Variants in ADGRG6 observed in about 807,000 individuals in gnomAD.
The protein encoded by ADGRG6 is G-protein coupled receptor 126.
In ADGRG6, 84 loss-of-function variants were observed where a neutral mutation model predicts 142.4. That is an observed-to-expected ratio of 0.59 (90% confidence interval 0.49 to 0.71). ADGRG6 has a LOEUF of 0.71. Among genes scored for constraint, ADGRG6 ranks in the 30% least tolerant of loss-of-function variants. The probability of loss-of-function intolerance (pLI) is 0.00; values close to 1 mark genes in which losing one functional copy is unlikely to be tolerated. For missense variants in ADGRG6, 1,367 were observed against 1,466.6 expected, an observed-to-expected ratio of 0.93 and a Z score of 1.11; for synonymous variants, 521 against 520.5, an observed-to-expected ratio of 1.00 and a Z score of -0.01.
At chr6:142,318,216 A>G (rs865811316) in intron 2 of ADGRG6, among the ~76,000 whole-genome samples, 10 of 57,528 alleles carry the variant, frequency 1.7e-4, no homozygotes, top group Non-Finnish European at 2.6e-4. Context: ...ATATTTATAT[A>G]TTATATATAT....
chr6:142,394,842 C>G (rs181231012), intron 9 of ADGRG6, among the ~76,000 whole-genome samples: 18 of 128,002 alleles, frequency 1.4e-4, no homozygotes, highest in East Asian at 1.0e-3. Flanking sequence ...CTGTCTCAGC[C>G]CCCCCCAGAG....
In ADGRG6 at chr6:142,444,160, A is replaced by G. The variant is rs565373218; in HGVS notation, c.*645A>G. Reference sequence around the variant, plus strand: ...TGTTGACCTAGTTAAATGAGGCTATATAAATTTCTAATATTTTACTTATTC... The same window carrying G: ...TGTTGACCTAGTTAAATGAGGCTATGTAAATTTCTAATATTTTACTTATTC... On this transcript the variant is annotated 3_prime_UTR_variant, in exon 25 of 25. Transcript: ENST00000367609. 6.6e-6 allele frequency: 1 copy of G among 152,368 alleles called. No homozygotes were observed. Among genetic ancestry groups the G allele is most frequent in the Admixed American group, 6.5e-5 (1 of 15,294 alleles). 9.4% of individuals were successfully genotyped at this position (152,368 alleles called of 1,614,324 possible).
Position 142,370,662 on chromosome 6 carries a change from G to C in ADGRG6, c.938G>C (p.Trp313Ser), listed in dbSNP as rs1324870034. The C allele has an allele frequency of 1.2e-6, 2 of 1,613,778 alleles. No individual in the cohort carries two copies. The highest frequency in any genetic ancestry group is 1.7e-6 in the Non-Finnish European group (2 of 1,179,802). ...LKGDIYNFRL[W>S]NFTMNAKILS... Reference sequence around the variant, plus strand: ...GGGGACATTTATAACTTTCGACTTTGGAATTTTACCATGAATGCCAAAATC... The same window carrying C: ...GGGGACATTTATAACTTTCGACTTTCGAATTTTACCATGAATGCCAAAATC... Residue 313 changes from tryptophan to serine, a missense_variant, in exon 4 of 25, where the codon TGG becomes TCG. Physicochemically the swap from Trp to Ser is radical, Grantham distance 177. Transcript: ENST00000367609.
chr6:142,370,696 C>T lies in ADGRG6; in HGVS notation c.972C>T (p.Asn324=), dbSNP rs1468090255. ...CCATGAATGCCAAAATCCTCTCCAACCTCAGCTGTAATGTGAAAGGGAATG... is the reference window on the plus strand; with the variant it reads ...CCATGAATGCCAAAATCCTCTCCAATCTCAGCTGTAATGTGAAAGGGAATG... ...NFTMNAKILS[N]LSCNVKGNVV... Residue 324 remains asparagine, a synonymous_variant, in exon 4 of 25, where the codon AAC becomes AAT. Transcript: ENST00000367609. The T allele has an allele frequency of 1.9e-6, 3 of 1,613,666 alleles. No homozygotes were observed. The highest frequency in any genetic ancestry group is 1.6e-4 in the Middle Eastern group (1 of 6,062).
At position 142,403,946 on chromosome 6, in the gene ADGRG6, T is replaced by TA; in HGVS notation, c.2100_2101insA (p.Pro701ThrfsTer4). Reference sequence around the variant, plus strand: ...CAATTTCAAATTTTAGCATTGGTCTTCCAAGCAATAATGAATCGTATTTCC... The same window carrying TA: ...CAATTTCAAATTTTAGCATTGGTCTTACCAAGCAATAATGAATCGTATTTCC... On this transcript the variant is annotated frameshift_variant, in exon 14 of 25. Coordinates refer to ENST00000367609, the MANE Select transcript of ADGRG6 (RefSeq NM_198569.3). LOFTEE classifies it high-confidence loss of function. The TA allele has an allele frequency of 6.2e-7, 1 of 1,610,264 alleles. No individual in the cohort carries two copies. Among genetic ancestry groups the TA allele is most frequent in the Non-Finnish European group, 8.5e-7 (1 of 1,177,244 alleles).
At chr6:142,384,079 A>C (rs1361560955) in intron 6 of ADGRG6, among the ~76,000 whole-genome samples, 1 of 152,068 alleles carries the variant, frequency 6.6e-6, no homozygotes. Flanking sequence ...TTTTAGCCAA[A>C]ATTTTTTTCA....
At chr6:142,341,512 C>T (rs1754633007) in intron 2 of ADGRG6, among the ~76,000 whole-genome samples, 1 of 107,538 alleles carries the variant, frequency 9.3e-6, no homozygotes, top group Non-Finnish European at 1.8e-5. Flanking sequence ...AGTATATATA[C>T]TACATAATAT....
rs1268517581 is a variant in ADGRG6, at chr6:142,341,394, T to TATTATATAATATATTATATAATATA, written c.104-26160_104-26136dup. ...TATATTATATATATACTATATATTA[T>TATTATATAATATATTATATAATATA]ATTATATAATATATTATATAATATA... On this transcript the variant is annotated intron_variant, in intron 2 of 24. Transcript: ENST00000367609. Among the ~76,000 whole-genome samples, 26 of 124,054 alleles carry TATTATATAATATATTATATAATATA rather than the reference T, an allele frequency of 2.1e-4. 1 individual carries two copies. Among genetic ancestry groups the TATTATATAATATATTATATAATATA allele is most frequent in the South Asian group, 2.2e-4 (1 of 4,520 alleles). The allele number at this position is 124,054 out of a possible 152,430, so 81.4% of individuals were successfully genotyped here.
intron 14 of ADGRG6, among the ~76,000 whole-genome samples, chr6:142,404,600 T>C (rs1775704604): frequency 6.6e-6 from 1 of 152,008 alleles, no homozygotes; most frequent in African/African-American, 2.4e-5. Flanking sequence ...GCCGGAATCA[T>C]GCCACTTCCC....
At chr6:142,364,955 G>A (rs1780879015) in intron 2 of ADGRG6, among the ~76,000 whole-genome samples, 1 of 152,150 alleles carries the variant, frequency 6.6e-6, no homozygotes, top group Non-Finnish European at 1.5e-5. Context: ...GATAAAGGAA[G>A]TCATGCACAT....
At chr6:142,362,060 A>G (rs1780750887) in intron 2 of ADGRG6, among the ~76,000 whole-genome samples, 1 of 152,182 alleles carries the variant, frequency 6.6e-6, no homozygotes, top group Admixed American at 6.5e-5. Context: ...ATGATTATGG[A>G]AAGACAGAAC....
chr6:142,396,248 G>A (rs1775189077), intron 9 of ADGRG6, among the ~76,000 whole-genome samples: 1 of 152,030 alleles, frequency 6.6e-6, no homozygotes, highest in Non-Finnish European at 1.5e-5. Flanking sequence ...CTTTTTCATG[G>A]GCCATTTTAA....
At position 142,384,135 on chromosome 6, in the gene ADGRG6, G is replaced by A. The variant is rs145323638; in HGVS notation, c.1222+292G>A. The stretch of plus-strand genomic sequence containing the variant: ...GCATTTAATTAGAAGGCATTAATGT[G>A]CATCATAATAGAGATCAGAGAAAAA... On this transcript the variant is annotated intron_variant, in intron 6 of 24. Transcript: ENST00000367609. 4.9e-3 allele frequency among the ~76,000 whole-genome samples: 747 copies of A among 152,138 alleles called. 6 individuals carry two copies. Among genetic ancestry groups the A allele is most frequent in the African/African-American group, 0.017 (710 of 41,530 alleles).
In ADGRG6 at chr6:142,367,690, C is replaced by T. The variant is rs35699755; in HGVS notation, c.225C>T (p.Thr75=). The change falls in exon 3 of 25, where the codon ACC becomes ACT. Residue 75 remains threonine, a synonymous_variant. Transcript: ENST00000367609. The part of the protein sequence containing the change: ...QACMWTLRAP[T]GYIIQITFND... ...GCATGTGGACGCTCCGAGCCCCCAC[C>T]GGTTATATCATTCAGATAACATTTA... The T allele has an allele frequency of 7.4e-3, 11,987 of 1,613,694 alleles. 431 individuals are homozygous for T. In the African/African-American group the frequency reaches 0.083, roughly 11 times the overall value.
At chr6:142,378,919 T>C (rs1203559362) in intron 4 of ADGRG6, among the ~76,000 whole-genome samples, 1 of 152,240 alleles carries the variant, frequency 6.6e-6, no homozygotes, top group Admixed American at 6.5e-5. Context: ...CCTTTTTAAG[T>C]CTATAGCTCT....
rs1777882858 is a variant in ADGRG6, at chr6:142,444,168, C to CTAATATTTTA, written c.*654_*663dup. 6.6e-6 allele frequency: 1 copy of CTAATATTTTA among 152,174 alleles called. No individual in the cohort carries two copies. Among genetic ancestry groups the CTAATATTTTA allele is most frequent in the South Asian group, 2.1e-4 (1 of 4,836 alleles). The allele number at this position is 152,174 out of a possible 1,614,324, so 9.4% of individuals were successfully genotyped here. ...TAGTTAAATGAGGCTATATAAATTT[C>CTAATATTTTA]TAATATTTTACTTATTCTATTCAAG... On this transcript the variant is annotated 3_prime_UTR_variant, in exon 25 of 25. Transcript: ENST00000367609.
At chr6:142,394,633 G>A (rs1303380099) in intron 9 of ADGRG6, among the ~76,000 whole-genome samples, 2 of 148,742 alleles carry the variant, frequency 1.3e-5, no homozygotes, top group African/African-American at 5.0e-5. Flanking sequence ...CCGGGCTGGA[G>A]TGCAGTGGTG....
intron 4 of ADGRG6, among the ~76,000 whole-genome samples, chr6:142,376,519 G>A (rs996917966): frequency 4.6e-5 from 7 of 151,994 alleles, no homozygotes; most frequent in Non-Finnish European, 8.8e-5. Context: ...AGTTTGCTAA[G>A]GTTTCATCAA....
chr6:142,407,935 A>G (rs1306378700), intron 15 of ADGRG6, among the ~76,000 whole-genome samples: 2 of 152,166 alleles, frequency 1.3e-5, no homozygotes, highest in Non-Finnish European at 2.9e-5. Context: ...CAGTCTTACA[A>G]TATTGGCTCC....
Sources: gnomAD v4.1 joint callset for allele counts (sites outside exome capture counted in the v4.1 genomes callset) on GRCh38, gnomAD v4.1.1 for gene constraint, MANE v1.5 for transcripts, NCBI Gene and HGNC (gene_info 2026-07-23, HGNC 2026-07-21) for gene names.